Variants in SPAG16 observed in about 807,000 individuals in gnomAD.
The protein encoded by SPAG16 is sperm associated antigen 16.
Under a neutral mutation model 80.4 loss-of-function variants are expected in SPAG16, and 86 were observed. The ratio of observed to expected loss-of-function variants is 1.07; its 90% confidence interval spans 0.90 to 1.28. The LOEUF (loss-of-function observed/expected upper bound fraction) is 1.28, where lower values mean the gene tolerates loss of function less well. SPAG16 is among the 50% of genes most tolerant of loss of function. The pLI is 0.00. For missense variants in SPAG16, 870 were observed against 765.3 expected, an observed-to-expected ratio of 1.14 and a Z score of -1.61; for synonymous variants, 294 against 265.9, an observed-to-expected ratio of 1.11 and a Z score of -1.03.
At chr2:213,517,247 A>C (rs982950758) in intron 10 of SPAG16, among the ~76,000 whole-genome samples, 14 of 152,318 alleles carry the variant, frequency 9.2e-5, no homozygotes, top group African/African-American at 3.4e-4. Flanking sequence ...GAATACAGCT[A>C]ACCAAAGAGG....
At chr2:213,984,061 C>T (rs925893730) in intron 12 of SPAG16, among the ~76,000 whole-genome samples, 1 of 152,020 alleles carries the variant, frequency 6.6e-6, no homozygotes, top group African/African-American at 2.4e-5. Context: ...TTTTCATGTG[C>T]TAGCTGAAGT....
chr2:213,718,688 G>A (rs1192648691), intron 10 of SPAG16, among the ~76,000 whole-genome samples: 1 of 152,198 alleles, frequency 6.6e-6, no homozygotes, highest in African/African-American at 2.4e-5. Flanking sequence ...GCCCACCTGC[G>A]CTGTGCTCGA....
chr2:214,275,664 GT>G (rs1483127699), intron 15 of SPAG16, among the ~76,000 whole-genome samples: 1 of 152,180 alleles, frequency 6.6e-6, no homozygotes, highest in Non-Finnish European at 1.5e-5. Context: ...GAGACAGTTT[GT>G]TGTGATTTCT....
At chr2:213,869,641 G>C (rs974237754) in intron 11 of SPAG16, among the ~76,000 whole-genome samples, 3 of 93,052 alleles carry the variant, frequency 3.2e-5, no homozygotes, top group Non-Finnish European at 7.0e-5. Flanking sequence ...ATACTGCTTT[G>C]AGTAGTTTTT....
chr2:213,344,725 C>T (rs2064877220), intron 6 of SPAG16, among the ~76,000 whole-genome samples: 2 of 152,062 alleles, frequency 1.3e-5, no homozygotes, highest in African/African-American at 2.4e-5. Context: ...TTTTTTATGG[C>T]TGCATAGTAT....
chr2:214,195,513 G>A (rs2057807691), intron 15 of SPAG16, among the ~76,000 whole-genome samples: 1 of 151,968 alleles, frequency 6.6e-6, no homozygotes, highest in Non-Finnish European at 1.5e-5. Context: ...AAACAGTGGT[G>A]GAGGTGGAGA....
intron 12 of SPAG16, among the ~76,000 whole-genome samples, chr2:213,979,378 C>T (rs548057585): frequency 6.6e-6 from 1 of 152,120 alleles, no homozygotes; most frequent in East Asian, 1.9e-4. Context: ...CTGTATTGTT[C>T]CTTTTCCTAC....
chr2:214,251,107 A>G (rs1440581125), intron 15 of SPAG16, among the ~76,000 whole-genome samples: 1 of 151,856 alleles, frequency 6.6e-6, no homozygotes, highest in Non-Finnish European at 1.5e-5. Flanking sequence ...ATATTTTTTA[A>G]TGTTCTTTCC....
chr2:214,017,609 T>C (rs908474059), intron 13 of SPAG16, among the ~76,000 whole-genome samples: 2 of 152,176 alleles, frequency 1.3e-5, no homozygotes, highest in African/African-American at 2.4e-5. Context: ...CAGCTGTTTA[T>C]TGATGGTGAC....
intron 12 of SPAG16, among the ~76,000 whole-genome samples, chr2:213,935,107 C>G (rs139239972): frequency 0.013 from 1,844 of 147,440 alleles, 36 homozygotes; most frequent in African/African-American, 0.044. Flanking sequence ...GAGGCTGAGG[C>G]AGAAGGATGG....
At chr2:213,420,059 G>A (rs1268336602) in intron 9 of SPAG16, among the ~76,000 whole-genome samples, 3 of 152,000 alleles carry the variant, frequency 2.0e-5, no homozygotes, top group African/African-American at 4.8e-5. Flanking sequence ...CAAACATTAA[G>A]CAATAACTAA....
Position 213,728,876 on chromosome 2 carries a change from C to CAAAAAAAAAAAAA in SPAG16, c.1071-133576_1071-133564dup, listed in dbSNP as rs58070679. On this transcript the variant is annotated intron_variant, in intron 10 of 15. Transcript: ENST00000331683. ...TGGGCGACAGAGTGAGACTCCGTCTCAAAAAAAAAAAAAAAAAAAAAAAAA... is the reference window on the plus strand; with the variant it reads ...TGGGCGACAGAGTGAGACTCCGTCTCAAAAAAAAAAAAAAAAAAAAAAAAAAAAAAAAAAAAAA... 7.2e-4 allele frequency among the ~76,000 whole-genome samples: 42 copies of CAAAAAAAAAAAAA among 58,454 alleles called. 1 individual carries two copies. The highest frequency in any genetic ancestry group is 1.6e-3 in the South Asian group (2 of 1,268). 38.3% of individuals were successfully genotyped at this position (58,454 alleles called of 152,430 possible).
chr2:213,393,362 T>C (rs919131668), intron 9 of SPAG16, among the ~76,000 whole-genome samples: 2 of 151,334 alleles, frequency 1.3e-5, no homozygotes, highest in Admixed American at 1.3e-4. Context: ...TTAAAATATA[T>C]CACATATATT....
chr2:214,089,442 C>T (rs2052017368), intron 13 of SPAG16, among the ~76,000 whole-genome samples: 1 of 152,000 alleles, frequency 6.6e-6, no homozygotes, highest in Non-Finnish European at 1.5e-5. Context: ...CATCATTCTC[C>T]TTGTTTATTA....
intron 15 of SPAG16, among the ~76,000 whole-genome samples, chr2:214,371,835 C>T (rs1457538599): frequency 6.6e-6 from 1 of 151,472 alleles, no homozygotes; most frequent in Non-Finnish European, 1.5e-5. Flanking sequence ...CACCTGCCAC[C>T]ACACCTGGCT....
intron 15 of SPAG16, among the ~76,000 whole-genome samples, chr2:214,305,888 G>GT (rs71037364): frequency 0.23 from 33,725 of 149,694 alleles, 3,901 homozygotes; most frequent in East Asian, 0.34. Context: ...TTTTAAAATA[G>GT]TTTTTTTTTT....
At chr2:213,517,819 A>G (rs2075495669) in intron 10 of SPAG16, among the ~76,000 whole-genome samples, 1 of 152,210 alleles carries the variant, frequency 6.6e-6, no homozygotes, top group African/African-American at 2.4e-5. Context: ...TGGATTAAAG[A>G]TTTAAATGTA....
At chr2:213,296,403 C>G (rs1055486721) in intron 2 of SPAG16, among the ~76,000 whole-genome samples, 1 of 152,160 alleles carries the variant, frequency 6.6e-6, no homozygotes, top group Non-Finnish European at 1.5e-5. Flanking sequence ...TATCTCTGTT[C>G]AGGAGGCACT....
intron 10 of SPAG16, among the ~76,000 whole-genome samples, chr2:213,566,706 G>A (rs1339632145): frequency 1.3e-5 from 2 of 152,080 alleles, no homozygotes; most frequent in Non-Finnish European, 2.9e-5. Flanking sequence ...CTAATTCAAA[G>A]CCAAATTAAA....
Sources: gnomAD v4.1 joint callset for allele counts (sites outside exome capture counted in the v4.1 genomes callset) on GRCh38, gnomAD v4.1.1 for gene constraint, MANE v1.5 for transcripts, NCBI Gene and HGNC (gene_info 2026-07-23, HGNC 2026-07-21) for gene names.